Variants in YEATS2 observed in about 807,000 individuals in gnomAD.
YEATS2 encodes YEATS domain-containing protein 2.
Under a neutral mutation model 163.2 loss-of-function variants are expected in YEATS2, and 77 were observed. The observed-to-expected ratio is 0.47, with a 90% CI of 0.39 to 0.57. The LOEUF (loss-of-function observed/expected upper bound fraction) is 0.57. YEATS2 is among the 20% of genes least tolerant of loss of function. The probability of loss-of-function intolerance (pLI) is 0.00; values close to 1 mark genes in which losing one functional copy is unlikely to be tolerated. For missense variants in YEATS2, 1,549 were observed against 1,729.8 expected, an observed-to-expected ratio of 0.90 and a Z score of 1.85; for synonymous variants, 631 against 645.1, an observed-to-expected ratio of 0.98 and a Z score of 0.33.
chr3:183,717,000 C>T (rs1019047167), intron 2 of YEATS2, among the ~76,000 whole-genome samples: 1 of 151,846 alleles, frequency 6.6e-6, no homozygotes, highest in Non-Finnish European at 1.5e-5. Flanking sequence ...TCAAGCGATT[C>T]TCCTGCCTCA....
At position 183,772,543 on chromosome 3, in the gene YEATS2, A is replaced by G; in HGVS notation, c.2186A>G (p.Lys729Arg). Residue 729 changes from lysine (K) to arginine (R), a missense_variant, in exon 16 of 31, where the codon AAG becomes AGG. Lys to Arg is a conservative substitution (Grantham distance 26). Transcript: ENST00000305135. ...CAGGTTACTGCCGCTGGTCCTCAGA[A>G]GAGTGGATCCCAGGGTTCAGGTAAA... ...KAQVTAAGPQ[K>R]SGSQGSVMAT... is the part of the protein sequence containing the mutation. 6.2e-7 allele frequency: 1 copy of G among 1,614,022 alleles called. No homozygotes were observed. Among genetic ancestry groups the G allele is most frequent in the Non-Finnish European group, 8.5e-7 (1 of 1,180,034 alleles).
chr3:183,727,464 A>G (rs577918138), intron 6 of YEATS2, among the ~76,000 whole-genome samples: 29 of 152,110 alleles, frequency 1.9e-4, no homozygotes, highest in South Asian at 1.5e-3. Flanking sequence ...CCCCAAATCA[A>G]TCTGTAGGTA....
chr3:183,707,676 C>CTTTTTTTTT (rs1577029221), intron 1 of YEATS2, among the ~76,000 whole-genome samples: 10 of 141,134 alleles, frequency 7.1e-5, no homozygotes, highest in East Asian at 2.3e-4. Flanking sequence ...CCTTCCCCAC[C>CTTTTTTTTT]TATTTTTTTT....
rs57050296 is a variant in YEATS2 at position 183,755,741 on chromosome 3, CTTTTTTT to C, written c.1391-764_1391-758del. Reference sequence around the variant, plus strand: ...ACTTACTGATTTTCTTCCTTCCTTTCTTTTTTTTTTTTTTTTTTTTTTTTTTTTTGAG... The same window carrying C: ...ACTTACTGATTTTCTTCCTTCCTTTCTTTTTTTTTTTTTTTTTTTTTTGAG... On this transcript the variant is annotated intron_variant, in intron 11 of 30. Coordinates refer to ENST00000305135, the MANE Select transcript of YEATS2 (RefSeq NM_018023.5). Among the ~76,000 whole-genome samples, 138 of 82,192 alleles carry C rather than the reference CTTTTTTT, an allele frequency of 1.7e-3. 7 individuals carry two copies. The highest frequency in any genetic ancestry group is 4.2e-3 in the Admixed American group (29 of 6,932). The allele number at this position is 82,192 out of a possible 152,430, so 53.9% of individuals were successfully genotyped here.
At chr3:183,730,140 C>CTGCAACCT (rs1717623031) in intron 7 of YEATS2, among the ~76,000 whole-genome samples, 1 of 122,226 alleles carries the variant, frequency 8.2e-6, no homozygotes, top group Non-Finnish European at 1.6e-5. Flanking sequence ...TCTTGGCTCA[C>CTGCAACCT]TGCAACCTCC....
At chr3:183,732,834 C>T (rs1207842154) in intron 7 of YEATS2, among the ~76,000 whole-genome samples, 1 of 152,186 alleles carries the variant, frequency 6.6e-6, no homozygotes, top group Non-Finnish European at 1.5e-5. Context: ...GCTGGGATTA[C>T]AGGCGTGAGC....
At chr3:183,807,230 G>C in intron 28 of YEATS2, 138 bp downstream of exon 28, 1 of 766,958 alleles carries the variant, frequency 1.3e-6, no homozygotes, top group South Asian at 1.8e-5. Flanking sequence ...TGGTGCCGTA[G>C]ATGCTTGACT....
At chr3:183,758,502 G>A (rs1170815530) in intron 12 of YEATS2, among the ~76,000 whole-genome samples, 1 of 152,154 alleles carries the variant, frequency 6.6e-6, no homozygotes, top group Non-Finnish European at 1.5e-5. Flanking sequence ...TATTGTATGA[G>A]GAGTAGAACA....
At chr3:183,793,924 A>G (rs1170660607) in intron 21 of YEATS2, among the ~76,000 whole-genome samples, 1 of 152,118 alleles carries the variant, frequency 6.6e-6, no homozygotes, top group African/African-American at 2.4e-5. Context: ...ACATTTTCAT[A>G]ACAGGATCAA....
chr3:183,735,262 A>G (rs1202220324), intron 7 of YEATS2, among the ~76,000 whole-genome samples: 1 of 152,230 alleles, frequency 6.6e-6, no homozygotes, highest in African/African-American at 2.4e-5. Context: ...TAAATGACCA[A>G]ACTTCACATC....
At position 183,777,552 on chromosome 3, in the gene YEATS2, T is replaced by C. The variant is rs977566402; in HGVS notation, c.2588T>C (p.Leu863Ser). 1 of 1,612,080 alleles carries C rather than the reference T, an allele frequency of 6.2e-7. No homozygotes were observed. Among genetic ancestry groups the C allele is most frequent in the Non-Finnish European group, 8.5e-7 (1 of 1,179,534 alleles). ...ILKQTPQGTF[L>S]VGQPSPQTSG... is the part of the protein sequence containing the mutation. The stretch of plus-strand genomic sequence containing the variant: ...TTTTTTCTAACTTAGGGCACATTTT[T>C]AGTTGGCCAGCCATCACCCCAGACT... The change falls in exon 19 of 31, where the codon TTA becomes TCA. Residue 863 changes from leucine to serine, a missense_variant. Leu to Ser is a moderately radical substitution (Grantham distance 145, BLOSUM62 -2). Transcript: ENST00000305135.
intron 30 of YEATS2, chr3:183,809,390 TC>T: frequency 2.1e-6 from 1 of 486,580 alleles, no homozygotes; most frequent in East Asian, 3.3e-5. Flanking sequence ...GTTTATATCC[TC>T]CTCATTACTT....
rs1721055647 is a variant in YEATS2, at chr3:183,758,957, A to G, written c.1648A>G (p.Thr550Ala). ...TCATGGAAGTAGTTTTGTAACATCTACTGTCAAGGTAACATTCTTACTGCG... is the reference window on the plus strand; with the variant it reads ...TCATGGAAGTAGTTTTGTAACATCTGCTGTCAAGGTAACATTCTTACTGCG... The part of the protein sequence containing the change: ...KIHGSSFVTS[T>A]VKQEDSLFAS... The change falls in exon 13 of 31, where the codon ACT (threonine) becomes GCT (alanine). Residue 550 changes from threonine (T) to alanine (A), a missense_variant. By Grantham distance (58) the Thr-to-Ala change is moderately conservative. Coordinates refer to ENST00000305135, the MANE Select transcript of YEATS2 (RefSeq NM_018023.5). 2 of 1,565,556 alleles carry G rather than the reference A, an allele frequency of 1.3e-6. No homozygotes were observed. Among genetic ancestry groups the G allele is most frequent in the South Asian group, 1.2e-5 (1 of 83,640 alleles).
rs1051380430 is a variant in YEATS2 at position 183,754,012 on chromosome 3, G to A, written c.1151-114G>A. 30 of 1,326,206 alleles carry A rather than the reference G, an allele frequency of 2.3e-5. No individual in the cohort carries two copies. The African/African-American group carries it at 3.8e-4, about 17-fold the overall frequency. The allele number at this position is 1,326,206 out of a possible 1,614,324, so 82.2% of individuals were successfully genotyped here. Reference sequence around the variant, plus strand: ...ATTGATTGTATTTATTTTGCTACCAGTACATGGTTTAAAATGGTGTTGAAA... The same window carrying A: ...ATTGATTGTATTTATTTTGCTACCAATACATGGTTTAAAATGGTGTTGAAA... On this transcript the variant is annotated intron_variant, in intron 10 of 30. Transcript: ENST00000305135.
Position 183,780,204 on chromosome 3 carries a change from T to C in YEATS2, c.2736+2504T>C, listed in dbSNP as rs533365130. On this transcript the variant is annotated intron_variant, in intron 19 of 30. Transcript: ENST00000305135. ...TACTCTTCCCTTTTCCAACTACATA[T>C]GTGGATATATCTCACACCAACACAG... Among the ~76,000 whole-genome samples the C allele has an allele frequency of 1.6e-4, 25 of 152,258 alleles. No homozygotes were observed. The South Asian group carries it at 4.8e-3, about 29-fold the overall frequency.
intron 1 of YEATS2, among the ~76,000 whole-genome samples, chr3:183,703,749 A>G (rs1340441264): frequency 6.6e-6 from 1 of 152,126 alleles, no homozygotes; most frequent in East Asian, 1.9e-4. Flanking sequence ...TACATTGAAC[A>G]GTCTTTGGGA....
chr3:183,803,383 C>T lies in YEATS2; in HGVS notation c.3582+48C>T, dbSNP rs372674239. 328 of 1,509,422 alleles carry T rather than the reference C, an allele frequency of 2.2e-4. 3 individuals carry two copies. Among genetic ancestry groups the T allele is most frequent in the Non-Finnish European group, 2.8e-4 (303 of 1,095,200 alleles). The allele number at this position is 1,509,422 out of a possible 1,614,324, so 93.5% of individuals were successfully genotyped here. ...CTCTGGCTGCCTCCAGAAACCTTGT[C>T]TTATGGAACAGGGATAAGATTGCAG... On this transcript the variant is annotated intron_variant, in intron 26 of 30. Coordinates refer to ENST00000305135, the MANE Select transcript of YEATS2 (RefSeq NM_018023.5).
In YEATS2 at chr3:183,810,854, C is replaced by G. The variant is rs1016350041; in HGVS notation, c.*271C>G. 5 of 424,048 alleles carry G rather than the reference C, an allele frequency of 1.2e-5. No homozygotes were observed. The highest frequency in any genetic ancestry group is 1.8e-5 in the Non-Finnish European group (4 of 227,832). The allele number at this position is 424,048 out of a possible 1,614,324, so 26.3% of individuals were successfully genotyped here. A position where few individuals can be genotyped will look rare whatever the true frequency, so the allele number is the denominator to read the frequency against. Reference sequence around the variant, plus strand: ...CGTTTCTGCAGTCTTTGTAAAGGCCCCACGAGAGCGGGCCAGGCCGTGTGC... The same window carrying G: ...CGTTTCTGCAGTCTTTGTAAAGGCCGCACGAGAGCGGGCCAGGCCGTGTGC... On this transcript the variant is annotated 3_prime_UTR_variant, in exon 31 of 31. Coordinates refer to ENST00000305135, the MANE Select transcript of YEATS2 (RefSeq NM_018023.5).
intron 10 of YEATS2, among the ~76,000 whole-genome samples, chr3:183,753,312 G>A (rs985603200): frequency 3.7e-4 from 56 of 152,186 alleles, no homozygotes; most frequent in African/African-American, 1.3e-3. Context: ...CCATATATAA[G>A]CATAAAAGAT....
Sources: allele counts gnomAD v4.1 joint callset (sites outside exome capture counted in the v4.1 genomes callset), GRCh38; gene constraint gnomAD v4.1.1; transcripts MANE v1.5; gene names NCBI Gene and HGNC (gene_info 2026-07-23, HGNC 2026-07-21).